Variants in RASSF3 observed in about 807,000 individuals in gnomAD.
The protein encoded by RASSF3 is ras association domain-containing protein 3.
RASSF3 carries 19 observed loss-of-function variants against 19.9 expected under a neutral mutation model. The observed-to-expected ratio is 0.96, with a 90% CI of 0.67 to 1.40. The LOEUF (loss-of-function observed/expected upper bound fraction) is 1.40. Among genes scored for constraint, RASSF3 ranks in the 40% most tolerant of loss-of-function variants. The pLI is 0.00. For missense variants in RASSF3, 306 were observed against 289.8 expected (o/e 1.06, Z -0.41); for synonymous variants, 110 against 104.2 (o/e 1.06, Z -0.34).
intron 2 of RASSF3, among the ~76,000 whole-genome samples, chr12:64,553,327 T>C (rs1323818891): frequency 6.6e-6 from 1 of 152,224 alleles, no homozygotes; most frequent in Non-Finnish European, 1.5e-5. Flanking sequence ...GCAGAACTGC[T>C]GACAAGTGAG....
At chr12:64,573,041 G>T (rs1270023092) in intron 2 of RASSF3, among the ~76,000 whole-genome samples, 1 of 152,138 alleles carries the variant, frequency 6.6e-6, no homozygotes, top group African/African-American at 2.4e-5. Context: ...AGCCCAAAAT[G>T]CAATTCCTAT....
chr12:64,549,535 CA>C (rs1400442360), intron 2 of RASSF3, among the ~76,000 whole-genome samples: 1 of 151,976 alleles, frequency 6.6e-6, no homozygotes, highest in Non-Finnish European at 1.5e-5. Flanking sequence ...GATTCAATAC[CA>C]GCTAATTTCA....
intron 2 of RASSF3, among the ~76,000 whole-genome samples, chr12:64,687,915 C>G (rs1012154241): frequency 2.0e-5 from 3 of 152,158 alleles, no homozygotes; most frequent in African/African-American, 7.2e-5. Flanking sequence ...CAAATGGACC[C>G]TGACCTTTTG....
At chr12:64,622,311 T>C (rs2682713) in intron 1 of RASSF3, among the ~76,000 whole-genome samples, 120,140 of 150,830 alleles carry the variant, frequency 0.8, 48,234 homozygotes, top group African/African-American at 0.87. Flanking sequence ...CCGCCTGCCT[T>C]GGCCTCCCAA....
chr12:64,565,301 G>A (rs1347138971), intron 2 of RASSF3, among the ~76,000 whole-genome samples: 1 of 152,112 alleles, frequency 6.6e-6, no homozygotes, highest in African/African-American at 2.4e-5. Context: ...AGCTGGCCAG[G>A]CGTGGTGGCT....
intron 1 of RASSF3, among the ~76,000 whole-genome samples, chr12:64,641,961 C>T (rs963737742): frequency 1.3e-5 from 2 of 151,894 alleles, no homozygotes; most frequent in East Asian, 2.0e-4. Flanking sequence ...AGGCTGGTCT[C>T]GAACTCCCGA....
At chr12:64,511,842 A>G (rs916653582) in intron 1 of RASSF3, among the ~76,000 whole-genome samples, 2 of 152,206 alleles carry the variant, frequency 1.3e-5, no homozygotes, top group Non-Finnish European at 2.9e-5. Context: ...TCAAAAAATC[A>G]GAGCTAGAAG....
chr12:64,523,330 C>T (rs1306651216), intron 1 of RASSF3, among the ~76,000 whole-genome samples: 3 of 151,986 alleles, frequency 2.0e-5, no homozygotes, highest in Non-Finnish European at 2.9e-5. Context: ...CTCTTGAACC[C>T]GGGAGGTAGA....
At chr12:64,541,798 G>A (rs1047624779), downstream of RASSF3, 3 of 396,412 alleles carry the variant, frequency 7.6e-6, no homozygotes, top group East Asian at 3.6e-5. Context: ...CATGGCTTAC[G>A]TATGTATCTT....
chr12:64,517,373 G>T (rs933614306), intron 1 of RASSF3, among the ~76,000 whole-genome samples: 1 of 151,662 alleles, frequency 6.6e-6, no homozygotes, highest in Non-Finnish European at 1.5e-5. Flanking sequence ...TATTTTGGGG[G>T]AAACAAAATA....
At chr12:64,647,761 G>A (rs1416919277) in intron 1 of RASSF3, among the ~76,000 whole-genome samples, 1 of 151,538 alleles carries the variant, frequency 6.6e-6, no homozygotes, top group Non-Finnish European at 1.5e-5. Context: ...TGTTGCCCAG[G>A]ATGGTCTCCA....
At chr12:64,597,615 G>C (rs1870017691) in intron 2 of RASSF3, among the ~76,000 whole-genome samples, 1 of 151,090 alleles carries the variant, frequency 6.6e-6, no homozygotes, top group African/African-American at 2.4e-5. Flanking sequence ...GCACCACCAC[G>C]CCTGGCTAAT....
intron 2 of RASSF3, among the ~76,000 whole-genome samples, chr12:64,577,416 G>T (rs939868353): frequency 6.6e-6 from 1 of 152,184 alleles, no homozygotes; most frequent in Admixed American, 6.5e-5. Flanking sequence ...TGAGAAATCG[G>T]TGTTGTCTGT....
At chr12:64,554,884 T>C (rs1256277367) in intron 2 of RASSF3, among the ~76,000 whole-genome samples, 2 of 152,208 alleles carry the variant, frequency 1.3e-5, no homozygotes, top group East Asian at 3.8e-4. Flanking sequence ...TAATATTTGT[T>C]GGATAAATGA....
chr12:64,624,588 C>T (rs544166743), intron 1 of RASSF3, among the ~76,000 whole-genome samples: 15 of 151,712 alleles, frequency 9.9e-5, no homozygotes, highest in South Asian at 8.3e-4. Context: ...CGTTGTACCT[C>T]TTTGAGCCTC....
At chr12:64,563,763 C>G (rs974705704) in intron 2 of RASSF3, among the ~76,000 whole-genome samples, 1 of 152,232 alleles carries the variant, frequency 6.6e-6, no homozygotes, top group African/African-American at 2.4e-5. Context: ...ATTCAGGTCT[C>G]AGTTCAAATG....
chr12:64,634,098 A>C (rs1565856354), intron 1 of RASSF3, among the ~76,000 whole-genome samples: 1 of 152,096 alleles, frequency 6.6e-6, no homozygotes, highest in Non-Finnish European at 1.5e-5. Flanking sequence ...GAGTCACTGC[A>C]CTCCAGCCTG....
upstream of RASSF3, among the ~76,000 whole-genome samples, chr12:64,607,807 A>T (rs1011170925): frequency 6.6e-6 from 1 of 152,186 alleles, no homozygotes; most frequent in African/African-American, 2.4e-5. Flanking sequence ...CCCAGGCTAG[A>T]GTGCAGTGGT....
chr12:64,654,462 G>T (rs1872076690), intron 1 of RASSF3, among the ~76,000 whole-genome samples: 1 of 151,854 alleles, frequency 6.6e-6, no homozygotes, highest in African/African-American at 2.4e-5. Context: ...CACTGCCCCG[G>T]CCCCATAATC....
Sources: gnomAD v4.1 joint callset for allele counts (sites outside exome capture counted in the v4.1 genomes callset) on GRCh38, gnomAD v4.1.1 for gene constraint, MANE v1.5 for transcripts, NCBI Gene and HGNC (gene_info 2026-07-23, HGNC 2026-07-21) for gene names.